The following DLGAP2 variants were observed in gnomAD, a reference collection of about 807,000 sequenced individuals.
DLGAP2 encodes the protein disks large-associated protein 2.
Under a neutral mutation model 100.3 loss-of-function variants are expected in DLGAP2, and 26 were observed. The ratio of observed to expected loss-of-function variants is 0.26; its 90% CI spans 0.19 to 0.36. The LOEUF (loss-of-function observed/expected upper bound fraction) is 0.36, where lower values mean the gene tolerates loss of function less well. Ranked by LOEUF, DLGAP2 falls within the 10% of genes least tolerant of loss-of-function variation. The pLI is 1.00. For synonymous variants in DLGAP2, 886 were observed against 630.1 expected, an observed-to-expected ratio of 1.41 and a Z score of -6.08; for missense variants, 1,858 against 1,453.2, an observed-to-expected ratio of 1.28 and a Z score of -4.53.
chr8:811,837 G>A (rs936965664), intron 1 of DLGAP2, among the ~76,000 whole-genome samples: 3 of 152,248 alleles, frequency 2.0e-5, no homozygotes, highest in African/African-American at 7.2e-5. Context: ...AATAAACCAC[G>A]GCTTCGCTGA....
At chr8:1,494,158 A>G (rs1799477165) in intron 3 of DLGAP2, among the ~76,000 whole-genome samples, 1 of 152,234 alleles carries the variant, frequency 6.6e-6, no homozygotes, top group Non-Finnish European at 1.5e-5. Context: ...CTTGGTGTTT[A>G]TGAGGTGATA....
intron 2 of DLGAP2, among the ~76,000 whole-genome samples, chr8:1,243,771 C>T (rs1798847929): frequency 6.6e-6 from 1 of 152,294 alleles, no homozygotes; most frequent in South Asian, 2.1e-4. Flanking sequence ...TCTCTTCTCT[C>T]AGGTGGGCCA....
intron 2 of DLGAP2, among the ~76,000 whole-genome samples, chr8:1,242,735 TATGGACAG>T: frequency 6.6e-6 from 1 of 152,174 alleles, no homozygotes; most frequent in African/African-American, 2.4e-5. Flanking sequence ...TGGATGTATG[TATGGACAG>T]ATGGACGGAT....
intron 2 of DLGAP2, among the ~76,000 whole-genome samples, chr8:1,199,531 T>G (rs1797824683): frequency 6.6e-6 from 1 of 152,200 alleles, no homozygotes; most frequent in Non-Finnish European, 1.5e-5. Flanking sequence ...ACAGCACAGC[T>G]ACCTCTTCTA....
At chr8:1,313,943 C>G (rs1800670076) in intron 3 of DLGAP2, among the ~76,000 whole-genome samples, 1 of 152,068 alleles carries the variant, frequency 6.6e-6, no homozygotes, top group Admixed American at 6.5e-5. Flanking sequence ...AATGATCACA[C>G]TTCAGTATTG....
intron 2 of DLGAP2, among the ~76,000 whole-genome samples, chr8:995,026 A>G (rs1298604761): frequency 1.3e-5 from 2 of 152,188 alleles, no homozygotes; most frequent in African/African-American, 4.8e-5. Context: ...ATAGATTCTA[A>G]TGCTGTTCTG....
chr8:955,366 C>G (rs758170023), intron 2 of DLGAP2, among the ~76,000 whole-genome samples: 1 of 152,136 alleles, frequency 6.6e-6, no homozygotes, highest in Non-Finnish European at 1.5e-5. Flanking sequence ...GAAGCAGGTG[C>G]GTCGCTCTGT....
rs184805952 is a variant in DLGAP2 at position 853,560 on chromosome 8, C to T, written c.19-54352C>T. Among the ~76,000 whole-genome samples the T allele has an allele frequency of 2.6e-5, 4 of 152,216 alleles. No individual in the cohort carries two copies. The East Asian group carries it at 5.8e-4, about 22-fold the overall frequency. ...CTCAGATGAAGCCCAGGGCCAGACT[C>T]ACCCCTCATCAGTTAGGGAATGGTG... On this transcript the variant is annotated intron_variant, in intron 1 of 14. Coordinates refer to ENST00000637795, the MANE Select transcript of DLGAP2 (RefSeq NM_001346810.2).
chr8:1,311,143 A>G (rs866108455), intron 3 of DLGAP2, among the ~76,000 whole-genome samples: 2 of 152,204 alleles, frequency 1.3e-5, no homozygotes, highest in African/African-American at 4.8e-5. Context: ...AGACAATACT[A>G]TGAACAATTG....
chr8:1,265,475 C>A (rs1193936933), intron 3 of DLGAP2, among the ~76,000 whole-genome samples: 1 of 152,100 alleles, frequency 6.6e-6, no homozygotes, highest in African/African-American at 2.4e-5. Flanking sequence ...TTGAGAAAGA[C>A]AAACACATGT....
chr8:1,207,553 T>C (rs1243223122), intron 2 of DLGAP2, among the ~76,000 whole-genome samples: 1 of 152,222 alleles, frequency 6.6e-6, no homozygotes, highest in Non-Finnish European at 1.5e-5. Context: ...CTTTTTCGTA[T>C]AATGAGCCTT....
intron 6 of DLGAP2, among the ~76,000 whole-genome samples, chr8:1,599,261 C>T (rs1796550189): frequency 6.6e-6 from 1 of 152,146 alleles, no homozygotes; most frequent in African/African-American, 2.4e-5. Flanking sequence ...TTTGCATTTG[C>T]TGAGGAGTGT....
intron 1 of DLGAP2, among the ~76,000 whole-genome samples, chr8:744,394 C>G (rs1460434700): frequency 1.3e-5 from 2 of 152,212 alleles, no homozygotes; most frequent in Non-Finnish European, 2.9e-5. Context: ...TGGGTCGCAT[C>G]TAATGATCTG....
chr8:1,520,753 G>A (rs550931493), intron 4 of DLGAP2, among the ~76,000 whole-genome samples: 31 of 152,244 alleles, frequency 2.0e-4, no homozygotes, highest in African/African-American at 7.2e-4. Flanking sequence ...CTGATGTAAC[G>A]GTTTACTCAC....
intron 2 of DLGAP2, among the ~76,000 whole-genome samples, chr8:1,008,902 A>G (rs1322115647): frequency 1.3e-5 from 2 of 152,208 alleles, no homozygotes; most frequent in East Asian, 3.9e-4. Flanking sequence ...CCCTTCTGAC[A>G]CCCAGATGCA....
At chr8:1,201,002 C>T (rs1368442238) in intron 2 of DLGAP2, among the ~76,000 whole-genome samples, 1 of 152,162 alleles carries the variant, frequency 6.6e-6, no homozygotes, top group Non-Finnish European at 1.5e-5. Flanking sequence ...GGCTGTCTCC[C>T]CGGACCCCAC....
intron 2 of DLGAP2, among the ~76,000 whole-genome samples, chr8:1,186,282 T>C (rs997900797): frequency 2.0e-5 from 3 of 152,156 alleles, no homozygotes; most frequent in African/African-American, 7.2e-5. Context: ...CTGCGAACCT[T>C]GGGGGCAGAT....
intron 3 of DLGAP2, among the ~76,000 whole-genome samples, chr8:1,376,453 C>T (rs1802390196): frequency 6.6e-6 from 1 of 152,256 alleles, no homozygotes; most frequent in Non-Finnish European, 1.5e-5. Flanking sequence ...GTGAATCAGC[C>T]TGGAAGCTGG....
chr8:859,246 G>A (rs1352807277), intron 1 of DLGAP2, among the ~76,000 whole-genome samples: 1 of 151,966 alleles, frequency 6.6e-6, no homozygotes, highest in African/African-American at 2.4e-5. Flanking sequence ...CAAGTAGCTG[G>A]GATCACAGGC....
Sources: allele counts gnomAD v4.1 joint callset (sites outside exome capture counted in the v4.1 genomes callset), GRCh38; gene constraint gnomAD v4.1.1; transcripts MANE v1.5; gene names NCBI Gene and HGNC (gene_info 2026-07-23, HGNC 2026-07-21).